IQCM: variants seen among roughly 807,000 people sequenced by gnomAD.
The protein encoded by IQCM is IQ motif containing M, also known as IQ domain-containing protein M.
A neutral mutation model predicts 57.6 loss-of-function variants in IQCM; 45 were observed. The observed-to-expected ratio is 0.78, with a 90% CI of 0.62 to 1.00. IQCM has a LOEUF of 1.00. Ranked by LOEUF, IQCM falls within the 50% of genes least tolerant of loss-of-function variation. The pLI is 0.00. For synonymous variants in IQCM, 148 were observed against 158.9 expected (o/e 0.93, Z 0.51); for missense variants, 468 against 511.6 (o/e 0.91, Z 0.82).
intron 5 of IQCM, among the ~76,000 whole-genome samples, chr4:149,709,670 C>T (rs943588435): frequency 6.6e-6 from 1 of 151,982 alleles, no homozygotes; most frequent in African/African-American, 2.4e-5. Context: ...TCCCTAAATC[C>T]CAGATTCTTT....
chr4:149,376,771 T>C (rs6819140), intron 13 of IQCM, among the ~76,000 whole-genome samples: 61,224 of 152,020 alleles, frequency 0.4, 12,852 homozygotes, highest in East Asian at 0.51. Context: ...TTTTCAGCTA[T>C]TAACTTTTAT....
chr4:149,426,447 T>A (rs1344628675), intron 13 of IQCM, among the ~76,000 whole-genome samples: 1 of 151,984 alleles, frequency 6.6e-6, no homozygotes, highest in Non-Finnish European at 1.5e-5. Flanking sequence ...GTGTAACAAA[T>A]TACCCCCAAA....
chr4:149,814,464 A>G (rs1293477864), intron 2 of IQCM, among the ~76,000 whole-genome samples: 2 of 151,994 alleles, frequency 1.3e-5, no homozygotes, highest in Non-Finnish European at 2.9e-5. Context: ...TATCAAGCTA[A>G]TTATCTTAAG....
At chr4:149,380,564 G>A (rs1731006595) in intron 13 of IQCM, among the ~76,000 whole-genome samples, 1 of 152,050 alleles carries the variant, frequency 6.6e-6, no homozygotes, top group Non-Finnish European at 1.5e-5. Context: ...AACACAAACT[G>A]GCCAGATTCT....
intron 2 of IQCM, among the ~76,000 whole-genome samples, chr4:149,771,849 T>C (rs958501083): frequency 2.0e-5 from 3 of 152,166 alleles, no homozygotes; most frequent in Non-Finnish European, 4.4e-5. Flanking sequence ...CTAACAGATG[T>C]ATTTTTTAAT....
chr4:149,533,253 C>A (rs1746932176), intron 12 of IQCM, among the ~76,000 whole-genome samples: 1 of 151,988 alleles, frequency 6.6e-6, no homozygotes, highest in African/African-American at 2.4e-5. Context: ...TTTATATTTT[C>A]ATTTTGAAGT....
chr4:149,414,658 T>C (rs908866314), intron 13 of IQCM, among the ~76,000 whole-genome samples: 2 of 152,056 alleles, frequency 1.3e-5, no homozygotes, highest in African/African-American at 4.8e-5. Flanking sequence ...TTTATAGATA[T>C]TTTTCAATTA....
Position 149,534,050 on chromosome 4 carries a change from G to C in IQCM, c.1228+14405C>G, listed in dbSNP as rs530765842. On this transcript the variant is annotated intron_variant, in intron 12 of 13. Coordinates refer to ENST00000636793, the MANE Select transcript of IQCM (RefSeq NM_001363507.2). ...TTATTTGTCTTTAGAATTTTAGACA[G>C]TGACAGTGATGTTATATTGATTATC... Among the ~76,000 whole-genome samples, 6 of 152,250 alleles carry C rather than the reference G, an allele frequency of 3.9e-5. No homozygotes were observed. In the South Asian group the frequency reaches 1.2e-3, roughly 32 times the overall value.
At chr4:149,577,537 T>A (rs886653485) in intron 9 of IQCM, among the ~76,000 whole-genome samples, 1 of 151,942 alleles carries the variant, frequency 6.6e-6, no homozygotes, top group Non-Finnish European at 1.5e-5. Flanking sequence ...GATCAGATGG[T>A]TGTAGGTGTG....
At chr4:149,753,794 C>T (rs558811999) in intron 2 of IQCM, among the ~76,000 whole-genome samples, 11 of 116,176 alleles carry the variant, frequency 9.5e-5, no homozygotes, top group South Asian at 5.3e-4. Context: ...CTGAAAGATT[C>T]CAACATGTGT....
chr4:149,496,063 T>C (rs1314404331), intron 12 of IQCM, among the ~76,000 whole-genome samples: 2 of 152,112 alleles, frequency 1.3e-5, no homozygotes, highest in Non-Finnish European at 2.9e-5. Flanking sequence ...TATTGGCCTT[T>C]GTACGGGGAA....
chr4:149,390,218 A>G (rs1302941364), intron 13 of IQCM, among the ~76,000 whole-genome samples: 2 of 152,010 alleles, frequency 1.3e-5, no homozygotes, highest in Non-Finnish European at 2.9e-5. Flanking sequence ...TCTTTGTGCT[A>G]TTTTAAATGG....
chr4:149,353,887 A>C (rs1314068377), intron 13 of IQCM, among the ~76,000 whole-genome samples: 1 of 152,082 alleles, frequency 6.6e-6, no homozygotes, highest in Non-Finnish European at 1.5e-5. Context: ...AGGCAATACA[A>C]TTGTACCGTA....
intron 12 of IQCM, among the ~76,000 whole-genome samples, chr4:149,465,282 A>T (rs1424696890): frequency 1.3e-5 from 2 of 152,182 alleles, no homozygotes; most frequent in African/African-American, 4.8e-5. Context: ...GGACAAGCAT[A>T]ATTTATATAA....
At chr4:149,520,958 G>T (rs1294667651) in intron 12 of IQCM, among the ~76,000 whole-genome samples, 1 of 152,084 alleles carries the variant, frequency 6.6e-6, no homozygotes, top group Non-Finnish European at 1.5e-5. Flanking sequence ...ACACTCTGCT[G>T]GTGGCTTCTA....
At chr4:149,542,982 G>A (rs890839474) in intron 12 of IQCM, among the ~76,000 whole-genome samples, 1 of 151,798 alleles carries the variant, frequency 6.6e-6, no homozygotes, top group African/African-American at 2.4e-5. Context: ...TAACCCCAGA[G>A]CCATGCTCTA....
intron 13 of IQCM, among the ~76,000 whole-genome samples, chr4:149,423,704 C>T (rs1053226074): frequency 6.6e-6 from 1 of 151,876 alleles, no homozygotes; most frequent in Non-Finnish European, 1.5e-5. Flanking sequence ...ATATCTTTTA[C>T]CCAGTCTAAA....
In IQCM at chr4:149,735,388, C is replaced by G. The variant is rs1766841952; in HGVS notation, c.108G>C (p.Glu36Asp). 1.6e-5 allele frequency: 20 copies of G among 1,227,074 alleles called. No homozygotes were observed. Among genetic ancestry groups the G allele is most frequent in the Non-Finnish European group, 2.0e-5 (20 of 983,724 alleles). The allele number at this position is 1,227,074 out of a possible 1,614,324, so 76.0% of individuals were successfully genotyped here. The change falls in exon 4 of 14, where the codon GAG (glutamate) becomes GAC (aspartate). Residue 36 changes from glutamate (E) to aspartate (D), a missense_variant. Physicochemically the swap from Glu to Asp is conservative, Grantham distance 45 (BLOSUM62 2). Transcript: ENST00000636793. ...GCAAAGGACTAACCTCATTTATTTTCTCATAATGTTGGGCAATGAGAGTTT... is the reference window on the plus strand; with the variant it reads ...GCAAAGGACTAACCTCATTTATTTTGTCATAATGTTGGGCAATGAGAGTTT... ...EAKTLIAQHY[E>D]KINENKVQGT...
At chr4:149,364,192 A>G (rs561918770) in intron 13 of IQCM, among the ~76,000 whole-genome samples, 2 of 152,288 alleles carry the variant, frequency 1.3e-5, no homozygotes, top group East Asian at 1.9e-4. Context: ...TGTACCTCAC[A>G]CTGGAGGAAT....
Sources: gnomAD v4.1 joint callset for allele counts (sites outside exome capture counted in the v4.1 genomes callset) on GRCh38, gnomAD v4.1.1 for gene constraint, MANE v1.5 for transcripts, NCBI Gene and HGNC (gene_info 2026-07-23, HGNC 2026-07-21) for gene names.